The following RXRA variants were observed in gnomAD, a reference collection of about 807,000 sequenced individuals.
The protein encoded by RXRA is retinoid X receptor alpha.
A neutral mutation model predicts 44.5 loss-of-function variants in RXRA; 5 were observed. That is an observed-to-expected ratio of 0.11 (90% CI 0.06 to 0.24). RXRA has a LOEUF of 0.24. Among genes scored for constraint, RXRA ranks in the 10% least tolerant of loss-of-function variants. The probability of loss-of-function intolerance (pLI) is 1.00; values close to 1 mark genes in which losing one functional copy is unlikely to be tolerated. For missense variants in RXRA, 412 were observed against 646.5 expected (o/e 0.64, Z 3.93); for synonymous variants, 291 against 271.4 (o/e 1.07, Z -0.71).
rs760071145 is a variant in RXRA, at chr9:134,366,230, G to T, written c.29-35402G>T. ...TGGGCTGTGTGTGGGGCCAGGGAGG[G>T]TGTCTTCAGCACAGGTGCCCGCTGG... On this transcript the variant is annotated intron_variant, in intron 1 of 9. Coordinates refer to ENST00000481739, the MANE Select transcript of RXRA (RefSeq NM_002957.6). This position sits in a 1 kb window ranked among gnomAD's most constrained non-coding sequence, Gnocchi z 5.9. Among the ~76,000 whole-genome samples, 157 of 152,260 alleles carry T rather than the reference G, an allele frequency of 1.0e-3. 1 individual carries two copies. The highest frequency in any genetic ancestry group is 1.0e-3 in the Non-Finnish European group (70 of 67,990).
Position 134,354,031 on chromosome 9 carries a change from C to T in RXRA, c.28+27372C>T, listed in dbSNP as rs140162074. Among the ~76,000 whole-genome samples the T allele has an allele frequency of 9.0e-3, 1,367 of 152,274 alleles. 8 individuals are homozygous for T. The highest frequency in any genetic ancestry group is 0.015 in the Non-Finnish European group (1,010 of 68,010). ...TGGGGAAAGGGGGCAGAGGCAAAGA[C>T]GGAGCCTAGACTTCACTGTTGCCAC... On this transcript the variant is annotated intron_variant, in intron 1 of 9. Coordinates refer to ENST00000481739, the MANE Select transcript of RXRA (RefSeq NM_002957.6).
At chr9:134,336,379 A>C (rs527818740) in intron 1 of RXRA, among the ~76,000 whole-genome samples, 2 of 152,326 alleles carry the variant, frequency 1.3e-5, no homozygotes, top group East Asian at 3.9e-4. Context: ...CCCTGCAGAC[A>C]GTGGGCCTGG....
intron 1 of RXRA, among the ~76,000 whole-genome samples, chr9:134,347,801 G>A (rs780204889): frequency 1.3e-5 from 2 of 152,136 alleles, no homozygotes; most frequent in African/African-American, 2.4e-5. Context: ...GGACATTGAG[G>A]TCTGGTGGCC....
intron 1 of RXRA, among the ~76,000 whole-genome samples, chr9:134,400,929 C>T (rs527454769): frequency 2.0e-5 from 3 of 152,288 alleles, no homozygotes; most frequent in Admixed American, 1.3e-4. Flanking sequence ...GCCTGAGCGT[C>T]CGGTGCCCGG....
rs1830192724 is a variant in RXRA at position 134,349,320 on chromosome 9, G to C, written c.28+22661G>C. On this transcript the variant is annotated intron_variant, in intron 1 of 9. Coordinates refer to ENST00000481739, the MANE Select transcript of RXRA (RefSeq NM_002957.6). The surrounding 1 kb of genome is among the most constrained non-coding windows in gnomAD (Gnocchi z 4.3). ...CTGGACAGCCGGGTGTCATTGGTGG[G>C]CCTGTTGGGCCGGGGCGCCTCGGCC... 1.3e-5 allele frequency among the ~76,000 whole-genome samples: 2 copies of C among 152,208 alleles called. No individual in the cohort carries two copies. The highest frequency in any genetic ancestry group is 4.8e-5 in the African/African-American group (2 of 41,464).
intron 6 of RXRA, chr9:134,424,710 C>G (rs904297705): frequency 3.9e-5 from 38 of 985,340 alleles, no homozygotes; most frequent in Non-Finnish European, 4.5e-5. Flanking sequence ...CCTGCACTGG[C>G]CAGGTGGCTG....
chr9:134,333,021 C>A (rs575184754), intron 1 of RXRA, among the ~76,000 whole-genome samples: 1 of 152,136 alleles, frequency 6.6e-6, no homozygotes, highest in Non-Finnish European at 1.5e-5. Flanking sequence ...TGGCTCCGGC[C>A]CCCCCTGCAC....
intron 1 of RXRA, among the ~76,000 whole-genome samples, chr9:134,388,432 C>T (rs1462329615): frequency 6.6e-6 from 1 of 152,218 alleles, no homozygotes; most frequent in African/African-American, 2.4e-5. Flanking sequence ...TTGTTCTGCT[C>T]TCACGCAGGA....
chr9:134,436,922 C>G lies in RXRA; in HGVS notation c.*308C>G, dbSNP rs1055704590. 1.4e-5 allele frequency: 5 copies of G among 362,396 alleles called. No individual in the cohort carries two copies. The highest frequency in any genetic ancestry group is 3.8e-5 in the South Asian group (1 of 26,540). The allele number at this position is 362,396 out of a possible 1,614,324, so 22.4% of individuals were successfully genotyped here. On this transcript the variant is annotated 3_prime_UTR_variant, in exon 10 of 10. Coordinates refer to ENST00000481739, the MANE Select transcript of RXRA (RefSeq NM_002957.6). ...CCTGCCACACCCCACGGGGCTTGGG[C>G]GACTACAGGGTCTTCGGGCCCCAGC...
At chr9:134,427,831 T>C (rs939195037) in intron 6 of RXRA, among the ~76,000 whole-genome samples, 34 of 152,284 alleles carry the variant, frequency 2.2e-4, no homozygotes, top group African/African-American at 7.5e-4. Context: ...AGGATTACAG[T>C]TGGGATTAAG....
intron 1 of RXRA, among the ~76,000 whole-genome samples, chr9:134,361,350 C>T (rs1021251876): frequency 3.3e-5 from 5 of 152,264 alleles, no homozygotes; most frequent in South Asian, 2.1e-4. Flanking sequence ...GCCCCCAAGC[C>T]GTTCTGTACT....
At chr9:134,338,332 T>G (rs1337507338) in intron 1 of RXRA, among the ~76,000 whole-genome samples, 1 of 152,228 alleles carries the variant, frequency 6.6e-6, no homozygotes, top group Non-Finnish European at 1.5e-5. Context: ...AAAGAACAAA[T>G]GCCAGCTGTG....
At chr9:134,344,175 A>G (rs147013100) in intron 1 of RXRA, among the ~76,000 whole-genome samples, 2,481 of 152,288 alleles carry the variant, frequency 0.016, 28 homozygotes, top group Non-Finnish European at 0.028. Flanking sequence ...GGGCCCATGC[A>G]GTACAAATGT....
chr9:134,425,183 G>T (rs1223045986), intron 6 of RXRA: 1 of 985,318 alleles, frequency 1.0e-6, no homozygotes, highest in Non-Finnish European at 1.2e-6. Context: ...AGAAACTGGT[G>T]GAGGATTCCA....
In RXRA at chr9:134,348,635, A is replaced by G. The variant is rs537539034; in HGVS notation, c.28+21976A>G. Among the ~76,000 whole-genome samples the G allele has an allele frequency of 5.9e-5, 9 of 152,338 alleles. No individual in the cohort carries two copies. In the East Asian group the frequency reaches 1.7e-3, roughly 29 times the overall value. ...ACAGCCACCCTGCTGTGGCACTGCG[A>G]TGGAGGGCTGGCTCCTGCCCAGTGC... On this transcript the variant is annotated intron_variant, in intron 1 of 9. Coordinates refer to ENST00000481739, the MANE Select transcript of RXRA (RefSeq NM_002957.6).
At chr9:134,329,053 A>G (rs62576289) in intron 1 of RXRA, among the ~76,000 whole-genome samples, 3,068 of 152,344 alleles carry the variant, frequency 0.02, 105 homozygotes, top group African/African-American at 0.069. Flanking sequence ...CGCTGGCCTT[A>G]TCCTGAATGG....
At chr9:134,382,276 TG>T (rs1384883374) in intron 1 of RXRA, among the ~76,000 whole-genome samples, 7 of 151,710 alleles carry the variant, frequency 4.6e-5, no homozygotes, top group African/African-American at 7.3e-5. Context: ...GTGGTGTGTG[TG>T]TGTGTGTGTG....
intron 1 of RXRA, among the ~76,000 whole-genome samples, chr9:134,379,008 G>A (rs565764495): frequency 6.7e-4 from 102 of 152,318 alleles, no homozygotes; most frequent in African/African-American, 2.3e-3. Context: ...TGAGGGTGGG[G>A]GTGGACCTCA....
chr9:134,379,918 C>T lies in RXRA; in HGVS notation c.29-21714C>T, dbSNP rs535222425. On this transcript the variant is annotated intron_variant, in intron 1 of 9. Transcript: ENST00000481739. ...TGGCAGAGCCTGGAGGCCTGCTGGT[C>T]TCTGGGTCTGAGACTCTGGCCTCCC... 10 of 985,302 alleles carry T rather than the reference C, an allele frequency of 1.0e-5. No individual in the cohort carries two copies. In the African/African-American group the frequency reaches 1.7e-4, roughly 17 times the overall value. The allele number at this position is 985,302 out of a possible 1,614,324, so 61.0% of individuals were successfully genotyped here.
Sources: allele counts gnomAD v4.1 joint callset (sites outside exome capture counted in the v4.1 genomes callset), GRCh38; gene constraint gnomAD v4.1.1; non-coding constraint Gnocchi (gnomAD v3.1); transcripts MANE v1.5; gene names NCBI Gene and HGNC (gene_info 2026-07-23, HGNC 2026-07-21).